The following CACNA1E variants were observed in gnomAD, a reference collection of about 807,000 sequenced individuals.
CACNA1E encodes voltage-dependent R-type calcium channel subunit alpha-1E.
CACNA1E carries 40 observed loss-of-function variants against 259.2 expected under a neutral mutation model. That is an observed-to-expected ratio of 0.15 (90% CI 0.12 to 0.20). The LOEUF (loss-of-function observed/expected upper bound fraction) is 0.20. Ranked by LOEUF, CACNA1E falls within the 10% of genes least tolerant of loss-of-function variation. CACNA1E has a pLI of 1.00. For missense variants in CACNA1E, 1,874 were observed against 3,040.1 expected, an observed-to-expected ratio of 0.62 and a Z score of 9.02; for synonymous variants, 1,104 against 1,138.5, an observed-to-expected ratio of 0.97 and a Z score of 0.61.
chr1:181,691,693 C>T (rs1651174621), intron 7 of CACNA1E, among the ~76,000 whole-genome samples: 1 of 152,098 alleles, frequency 6.6e-6, no homozygotes, highest in Non-Finnish European at 1.5e-5. Flanking sequence ...CCAGCTGTGA[C>T]AAACTCACAG....
intron 1 of CACNA1E, among the ~76,000 whole-genome samples, chr1:181,385,781 TC>T (rs1378293686): frequency 6.6e-6 from 1 of 150,426 alleles, no homozygotes; most frequent in African/African-American, 2.4e-5. Flanking sequence ...CTTCCCTCCC[TC>T]CTTTCTTCCC....
intron 1 of CACNA1E, among the ~76,000 whole-genome samples, chr1:181,504,738 C>T (rs887568827): frequency 3.3e-5 from 5 of 152,198 alleles, no homozygotes; most frequent in African/African-American, 2.4e-5. Context: ...CAGGCCACGT[C>T]GTGCTGCTCA....
chr1:181,596,710 G>T (rs1410115951), intron 6 of CACNA1E, among the ~76,000 whole-genome samples: 1 of 152,012 alleles, frequency 6.6e-6, no homozygotes, highest in African/African-American at 2.4e-5. Context: ...CTTGATAAAG[G>T]GTGTTTCTTG....
At position 181,453,916 on chromosome 1, in the gene CACNA1E, G is replaced by A. The variant is rs139483927; in HGVS notation, c.435-29828G>A. Among the ~76,000 whole-genome samples the A allele has an allele frequency of 2.8e-3, 430 of 152,344 alleles. 3 individuals are homozygous for A. The highest frequency in any genetic ancestry group is 0.01 in the Admixed American group (158 of 15,310). On this transcript the variant is annotated intron_variant, in intron 2 of 11. Coordinates refer to the CACNA1E transcript ENST00000524607. ...TCACCCACCAGATCCACAGCAGGGA[G>A]AACACAGGCTCTGCAGACAGAGACT...
At chr1:181,624,360 T>C (rs1656001346) in intron 6 of CACNA1E, among the ~76,000 whole-genome samples, 1 of 152,216 alleles carries the variant, frequency 6.6e-6, no homozygotes, top group Non-Finnish European at 1.5e-5. Context: ...TCGTGAAAGA[T>C]TTCTCTATAG....
intron 1 of CACNA1E, among the ~76,000 whole-genome samples, chr1:181,350,058 G>T (rs1044853013): frequency 2.6e-5 from 4 of 152,110 alleles, no homozygotes; most frequent in Non-Finnish European, 4.4e-5. Context: ...CTGCACCCTG[G>T]CCAGGAAGCT....
At chr1:181,596,552 A>G (rs547471727) in intron 6 of CACNA1E, among the ~76,000 whole-genome samples, 2 of 75,854 alleles carry the variant, frequency 2.6e-5, no homozygotes, top group Non-Finnish European at 6.6e-5. Context: ...TCCACCCACC[A>G]TGTACGTGTG....
chr1:181,332,501 A>G (rs2102601804), intron 1 of CACNA1E, among the ~76,000 whole-genome samples: 1 of 152,352 alleles, frequency 6.6e-6, no homozygotes, highest in Middle Eastern at 3.4e-3. Context: ...TTACATGGGA[A>G]CTAGCTCCTG....
At chr1:181,520,034 G>A (rs1044802371) in intron 3 of CACNA1E, among the ~76,000 whole-genome samples, 1 of 152,292 alleles carries the variant, frequency 6.6e-6, no homozygotes, top group South Asian at 2.1e-4. Context: ...AAGCAAAGAG[G>A]ATAGTGATGA....
chr1:181,437,064 G>A (rs1660141400), intron 2 of CACNA1E, among the ~76,000 whole-genome samples: 1 of 151,956 alleles, frequency 6.6e-6, no homozygotes, highest in Non-Finnish European at 1.5e-5. Context: ...GAAAAACCAA[G>A]AGCCGTCAAT....
At chr1:181,756,226 A>G in intron 29 of CACNA1E, 133 bp downstream of exon 29, 1 of 814,664 alleles carries the variant, frequency 1.2e-6, no homozygotes, top group South Asian at 2.7e-5. Context: ...TGAGAAGGTG[A>G]CACAGGCAGA....
chr1:181,793,892 C>A, intron 45 of CACNA1E, 99 bp downstream of exon 45: 1 of 1,275,654 alleles, frequency 7.8e-7, no homozygotes, highest in Non-Finnish European at 1.1e-6. Context: ...GTTGACTTGC[C>A]CGCACCCCTT....
chr1:181,750,350 T>C (rs1657482163), intron 25 of CACNA1E, 126 bp from the exon 26 acceptor site: 5 of 771,196 alleles, frequency 6.5e-6, no homozygotes, highest in Non-Finnish European at 1.1e-5. Context: ...TCTGATTCCC[T>C]ATCATTGTAG....
At chr1:181,499,353 C>T (rs3856088) in intron 1 of CACNA1E, among the ~76,000 whole-genome samples, 4,337 of 152,270 alleles carry the variant, frequency 0.028, 209 homozygotes, top group African/African-American at 0.098. Flanking sequence ...TTAGAATTCT[C>T]TATTGGAGCT....
chr1:181,373,820 T>C (rs990575656), intron 1 of CACNA1E, among the ~76,000 whole-genome samples: 8 of 152,184 alleles, frequency 5.3e-5, no homozygotes, highest in Non-Finnish European at 1.2e-4. Flanking sequence ...CCACCGTGCC[T>C]GGCCCAAGGT....
intron 1 of CACNA1E, among the ~76,000 whole-genome samples, chr1:181,387,444 T>C (rs115237811): frequency 6.6e-6 from 1 of 152,220 alleles, no homozygotes; most frequent in African/African-American, 2.4e-5. Flanking sequence ...AATGTCCTCA[T>C]AGTAATTGCT....
upstream of CACNA1E, among the ~76,000 whole-genome samples, chr1:181,479,338 T>C (rs1663075904): frequency 6.6e-6 from 1 of 152,152 alleles, no homozygotes; most frequent in Non-Finnish European, 1.5e-5. Context: ...GACCAGTAGA[T>C]GGTGCTCTGA....
intron 7 of CACNA1E, among the ~76,000 whole-genome samples, chr1:181,682,227 A>G (rs1295682798): frequency 6.6e-6 from 1 of 152,188 alleles, no homozygotes; most frequent in East Asian, 1.9e-4. Context: ...CCGTGTGACC[A>G]TAGTTCAGTT....
At chr1:181,575,439 A>C (rs1350391242) in intron 3 of CACNA1E, among the ~76,000 whole-genome samples, 1 of 151,908 alleles carries the variant, frequency 6.6e-6, no homozygotes, top group Non-Finnish European at 1.5e-5. Context: ...TTCTCCCCCC[A>C]GTTCTTATTT....
Sources: gnomAD v4.1 joint callset for allele counts (sites outside exome capture counted in the v4.1 genomes callset) on GRCh38, gnomAD v4.1.1 for gene constraint, MANE v1.5 for transcripts, NCBI Gene and HGNC (gene_info 2026-07-23, HGNC 2026-07-21) for gene names.